TFCP2: variants seen among roughly 807,000 people sequenced by gnomAD.
The protein encoded by TFCP2 is alpha-globin transcription factor CP2.
A neutral mutation model predicts 73.4 loss-of-function variants in TFCP2; 33 were observed. The observed-to-expected ratio is 0.45, with a 90% CI of 0.34 to 0.60. The LOEUF (loss-of-function observed/expected upper bound fraction) is 0.60. Among genes scored for constraint, TFCP2 ranks in the 20% least tolerant of loss-of-function variants. The pLI is 0.01. For missense variants in TFCP2, 352 were observed against 604.0 expected, an observed-to-expected ratio of 0.58 and a Z score of 4.37; for synonymous variants, 193 against 211.6, an observed-to-expected ratio of 0.91 and a Z score of 0.76.
chr12:51,119,916 C>T lies in TFCP2; in HGVS notation c.123-1144G>A, dbSNP rs895503303. On this transcript the variant is annotated intron_variant, in intron 1 of 14. Transcript: ENST00000257915. ...AAGCAAAAACTAGGCCAGGTGCTCA[C>T]GCCTGTAATCCCAGCACTTCGGGAG... 7.3e-5 allele frequency among the ~76,000 whole-genome samples: 11 copies of T among 151,162 alleles called. No individual in the cohort carries two copies. In the South Asian group the frequency reaches 1.3e-3, roughly 17 times the overall value.
Position 51,096,055 on chromosome 12 carries a change from A to G in TFCP2, c.1420-15T>C. ...TTCTGTATCATCTGAAAAATGCAAG[A>G]AAATTTGTGATTATTTAAATGAAAA... is the stretch of plus-strand genomic sequence containing the variant. On this transcript the variant is annotated splice_polypyrimidine_tract_variant and intron_variant, in intron 13 of 14. Coordinates refer to ENST00000257915, the MANE Select transcript of TFCP2 (RefSeq NM_005653.5). 1 of 1,610,364 alleles carries G rather than the reference A, an allele frequency of 6.2e-7. No individual in the cohort carries two copies. The highest frequency in any genetic ancestry group is 1.3e-5 in the African/African-American group (1 of 74,930).
At chr12:51,162,771 C>T (rs1430312465) in intron 1 of TFCP2, 1 of 152,120 alleles carries the variant, frequency 6.6e-6, no homozygotes, top group African/African-American at 2.4e-5. Flanking sequence ...CCCTAAATTT[C>T]CCTCTGAGTT....
At chr12:51,143,020 C>T (rs1272718657) in intron 1 of TFCP2, among the ~76,000 whole-genome samples, 1 of 152,074 alleles carries the variant, frequency 6.6e-6, no homozygotes, top group South Asian at 2.1e-4. Flanking sequence ...TTTCTTCCTA[C>T]CTCACTGGCA....
In TFCP2 at chr12:51,149,436, G is replaced by C. The variant is rs181204255; in HGVS notation, c.122+22865C>G. The stretch of plus-strand genomic sequence containing the variant: ...ACCTTAAAAAAAAAAGTAGAAGGAA[G>C]GAATGGCAGCACTGCTGCTTTGTAG... On this transcript the variant is annotated intron_variant, in intron 1 of 14. Transcript: ENST00000257915. Among the ~76,000 whole-genome samples, 75 of 151,998 alleles carry C rather than the reference G, an allele frequency of 4.9e-4. 1 individual carries two copies. Among genetic ancestry groups the C allele is most frequent in the African/African-American group, 1.7e-3 (70 of 41,454 alleles).
intron 1 of TFCP2, among the ~76,000 whole-genome samples, chr12:51,168,973 T>C (rs1941807728): frequency 6.6e-6 from 1 of 151,760 alleles, no homozygotes; most frequent in Admixed American, 6.6e-5. Context: ...AACTAATTTT[T>C]GTATTGTTGG....
intron 1 of TFCP2, among the ~76,000 whole-genome samples, chr12:51,158,620 C>G (rs1941586528): frequency 6.6e-6 from 1 of 151,848 alleles, no homozygotes; most frequent in Non-Finnish European, 1.5e-5. Context: ...TCCCGAGTAG[C>G]TGGGACTACA....
intron 4 of TFCP2, among the ~76,000 whole-genome samples, chr12:51,112,867 A>AC (rs1940436711): frequency 2.6e-5 from 1 of 38,020 alleles, no homozygotes; most frequent in Non-Finnish European, 8.6e-5. Flanking sequence ...ACTCTGTCTC[A>AC]AAAAAAAAAA....
intron 1 of TFCP2, among the ~76,000 whole-genome samples, chr12:51,122,226 A>G (rs1940694907): frequency 6.7e-6 from 1 of 148,686 alleles, no homozygotes; most frequent in African/African-American, 2.5e-5. Flanking sequence ...ACCAGTTTTC[A>G]TGAAACAGTT....
intron 1 of TFCP2, among the ~76,000 whole-genome samples, chr12:51,128,492 A>C (rs867372051): frequency 0.014 from 1,882 of 136,902 alleles, 42 homozygotes; most frequent in African/African-American, 0.048. Flanking sequence ...AAAAAAAAAA[A>C]CAAAAAAAAC....
chr12:51,127,284 C>G (rs1017475003), intron 1 of TFCP2, among the ~76,000 whole-genome samples: 5 of 151,890 alleles, frequency 3.3e-5, no homozygotes, highest in African/African-American at 1.2e-4. Context: ...AAGACAGGAC[C>G]GAAGTCTGAG....
chr12:51,112,969 G>T (rs953275813), intron 4 of TFCP2, among the ~76,000 whole-genome samples: 1 of 151,916 alleles, frequency 6.6e-6, no homozygotes, highest in African/African-American at 2.4e-5. Context: ...AAGAATTAAT[G>T]GGTTTGAGTA....
At chr12:51,134,146 T>C (rs985791481) in intron 1 of TFCP2, among the ~76,000 whole-genome samples, 1 of 152,198 alleles carries the variant, frequency 6.6e-6, no homozygotes, top group Non-Finnish European at 1.5e-5. Flanking sequence ...TTTAGTTTTG[T>C]GGTTTTCAAC....
In TFCP2 at chr12:51,158,769, G is replaced by A. The variant is rs186802437; in HGVS notation, c.122+13532C>T. On this transcript the variant is annotated intron_variant, in intron 1 of 14. Transcript: ENST00000257915. ...CTCCCAAAGTGCTGAGATTACAGGC[G>A]TGACCCACCACACCCAGCCCCTAGT... Among the ~76,000 whole-genome samples, 304 of 151,048 alleles carry A rather than the reference G, an allele frequency of 2.0e-3. 1 individual carries two copies. Among genetic ancestry groups the A allele is most frequent in the African/African-American group, 6.9e-3 (284 of 41,184 alleles).
intron 1 of TFCP2, among the ~76,000 whole-genome samples, chr12:51,132,250 C>T (rs1012312795): frequency 5.9e-5 from 9 of 151,576 alleles, no homozygotes; most frequent in African/African-American, 9.7e-5. Flanking sequence ...TCTGTATTCA[C>T]ACCCTTTCGC....
intron 11 of TFCP2, 72 bp from the exon 12 acceptor site, chr12:51,099,851 G>A: frequency 6.4e-7 from 1 of 1,563,072 alleles, no homozygotes; most frequent in South Asian, 1.2e-5. Context: ...GGGAGAAATT[G>A]TGTTTCTACA....
At chr12:51,116,442 AGAT>A (rs1940530495) in intron 3 of TFCP2, 22 bp from the exon 4 acceptor site, 19 of 1,409,028 alleles carry the variant, frequency 1.3e-5, no homozygotes, top group Non-Finnish European at 1.9e-5. Flanking sequence ...CAACAAAATC[AGAT>A]GATAACAAGA....
At chr12:51,141,902 T>A (rs1399147888) in intron 1 of TFCP2, among the ~76,000 whole-genome samples, 2 of 107,966 alleles carry the variant, frequency 1.9e-5, no homozygotes, top group South Asian at 3.4e-4. Flanking sequence ...TGAGACTCTG[T>A]CTCAAAAAAA....
intron 4 of TFCP2, among the ~76,000 whole-genome samples, chr12:51,111,554 G>A (rs1037713928): frequency 2.2e-4 from 33 of 151,918 alleles, no homozygotes; most frequent in African/African-American, 7.3e-4. Flanking sequence ...TTTAAAATAC[G>A]GCAATTAAAA....
chr12:51,125,425 C>T, intron 1 of TFCP2: 1 of 409,830 alleles, frequency 2.4e-6, no homozygotes, highest in Non-Finnish European at 4.7e-6. Context: ...TCTGTGGGAC[C>T]CTCTCACACC....
Sources: gnomAD v4.1 joint callset for allele counts (sites outside exome capture counted in the v4.1 genomes callset) on GRCh38, gnomAD v4.1.1 for gene constraint, MANE v1.5 for transcripts, NCBI Gene and HGNC (gene_info 2026-07-23, HGNC 2026-07-21) for gene names.